Variants in ACSF3 observed in about 807,000 individuals in gnomAD.
The protein encoded by ACSF3 is acyl-CoA synthetase family member 3.
In ACSF3, 78 loss-of-function variants were observed where a neutral mutation model predicts 53.2. The observed-to-expected ratio is 1.47, with a 90% CI of 1.22 to 1.77. The LOEUF is 1.77. ACSF3 is among the 40% of genes most tolerant of loss of function. The pLI is 0.00. For synonymous variants in ACSF3, 414 were observed against 333.1 expected, an observed-to-expected ratio of 1.24 and a Z score of -2.65; for missense variants, 937 against 771.1, an observed-to-expected ratio of 1.22 and a Z score of -2.55.
intron 7 of ACSF3, among the ~76,000 whole-genome samples, chr16:89,123,746 A>G (rs1235472767): frequency 1.3e-5 from 2 of 152,144 alleles, no homozygotes; most frequent in East Asian, 3.9e-4. Flanking sequence ...CCCTGTGGGG[A>G]TGGGAGGACA....
chr16:89,111,552 C>T lies in ACSF3; in HGVS notation c.823-540C>T, dbSNP rs530748199. ...GGGCCATGGAAGGAATGCGGCTCAC[C>T]AGCTCTTCCTGAAGCTTTATGGGCG... is the stretch of plus-strand genomic sequence containing the variant. On this transcript the variant is annotated intron_variant, in intron 4 of 10. Coordinates refer to ENST00000614302, the MANE Select transcript of ACSF3 (RefSeq NM_001243279.3). Among the ~76,000 whole-genome samples the T allele has an allele frequency of 2.0e-4, 30 of 152,372 alleles. No individual in the cohort carries two copies. In the East Asian group the frequency reaches 4.2e-3, roughly 22 times the overall value.
At position 89,120,833 on chromosome 16, in the gene ACSF3, G is replaced by A; in HGVS notation, c.1159G>A (p.Val387Met). ...SVGTPLPGVQ[V>M]RIVSENPQRE... ...GGGGACCCCACTGCCTGGAGTACAG[G>A]TGCGCATTGTCTCAGAAAACCCACA... The change falls in exon 7 of 11, where the codon GTG becomes ATG. Residue 387 changes from valine to methionine, a missense_variant. Val to Met is a conservative substitution (Grantham distance 21, BLOSUM62 1). Coordinates refer to ENST00000614302, the MANE Select transcript of ACSF3 (RefSeq NM_001243279.3). The A allele has an allele frequency of 6.2e-7, 1 of 1,614,076 alleles. No homozygotes were observed. Among genetic ancestry groups the A allele is most frequent in the South Asian group, 1.1e-5 (1 of 91,088 alleles).
chr16:89,144,768 C>G (rs2151560611), intron 8 of ACSF3, among the ~76,000 whole-genome samples: 1 of 152,320 alleles, frequency 6.6e-6, no homozygotes, highest in South Asian at 2.1e-4. Flanking sequence ...ACCCTGGCAC[C>G]CATCCTGAGG....
rs1166537408 is a variant in ACSF3 at position 89,101,290 on chromosome 16, T to A, written c.609T>A (p.Ser203Arg). ...AGGGCGCCATGATCATCTACACCAG[T>A]GGGACCACGGGGAGGCCCAAGGGCG... ...RNKGAMIIYT[S>R]GTTGRPKGVL... Residue 203 changes from serine (S) to arginine (R), a missense_variant, in exon 3 of 11, where the codon AGT becomes AGA. By Grantham distance (110) the Ser-to-Arg change is moderately radical (BLOSUM62 -1). Coordinates refer to ENST00000614302, the MANE Select transcript of ACSF3 (RefSeq NM_001243279.3). 1 of 1,603,048 alleles carries A rather than the reference T, an allele frequency of 6.2e-7. No individual in the cohort carries two copies. The highest frequency in any genetic ancestry group is 1.7e-5 in the Admixed American group (1 of 58,240).
At chr16:89,144,779 G>A (rs1912571672) in intron 8 of ACSF3, among the ~76,000 whole-genome samples, 1 of 152,220 alleles carries the variant, frequency 6.6e-6, no homozygotes, top group African/African-American at 2.4e-5. Flanking sequence ...CATCCTGAGG[G>A]AGGGTAAAGC....
rs916461556 is a variant in ACSF3, at chr16:89,114,488, G to C, written c.1126+1G>C. Reference sequence around the variant, plus strand: ...CTGACCACTGCCGTGCGCCTGCCAGGTACGAGCACTTCCCACAGCTGCGTT... The same window carrying C: ...CTGACCACTGCCGTGCGCCTGCCAGCTACGAGCACTTCCCACAGCTGCGTT... On this transcript the variant is annotated splice_donor_variant, in intron 6 of 10. Transcript: ENST00000614302. LOFTEE classifies it high-confidence loss of function. 6.2e-7 allele frequency: 1 copy of C among 1,611,192 alleles called. No individual in the cohort carries two copies. Among genetic ancestry groups the C allele is most frequent in the Non-Finnish European group, 8.5e-7 (1 of 1,179,990 alleles).
chr16:89,140,895 A>G (rs1911625042), intron 8 of ACSF3, among the ~76,000 whole-genome samples: 1 of 152,236 alleles, frequency 6.6e-6, no homozygotes, highest in South Asian at 2.1e-4. Flanking sequence ...ATAGGAGTTT[A>G]TTGATTGCTA....
At chr16:89,126,977 A>G (rs1466817765) in intron 7 of ACSF3, among the ~76,000 whole-genome samples, 1 of 139,734 alleles carries the variant, frequency 7.2e-6, no homozygotes, top group Non-Finnish European at 1.6e-5. Flanking sequence ...AATATTTTCA[A>G]AAAGCTTTTC....
At position 89,142,153 on chromosome 16, in the gene ACSF3, G is replaced by T. The variant is rs181035237; in HGVS notation, c.1367-3114G>T. 2.0e-3 allele frequency among the ~76,000 whole-genome samples: 309 copies of T among 152,260 alleles called. 1 individual carries two copies. The highest frequency in any genetic ancestry group is 6.9e-3 in the African/African-American group (288 of 41,548). On this transcript the variant is annotated intron_variant, in intron 8 of 10. Coordinates refer to ENST00000614302, the MANE Select transcript of ACSF3 (RefSeq NM_001243279.3). Reference sequence around the variant, plus strand: ...ACAGCAGGCAGCTGGGGCCTGTGACGACCCTGGGGTTGGAGGCCAGGCAGG... The same window carrying T: ...ACAGCAGGCAGCTGGGGCCTGTGACTACCCTGGGGTTGGAGGCCAGGCAGG...
chr16:89,099,041 C>T (rs1178394626), intron 2 of ACSF3, among the ~76,000 whole-genome samples: 1 of 152,246 alleles, frequency 6.6e-6, no homozygotes, highest in Non-Finnish European at 1.5e-5. Flanking sequence ...GTGCTTCCCC[C>T]AGGAAGGGAG....
intron 8 of ACSF3, chr16:89,141,064 C>T: frequency 7.9e-7 from 1 of 1,268,116 alleles, no homozygotes; most frequent in Non-Finnish European, 1.0e-6. Context: ...TTGCATTTCA[C>T]AGTGATCGCA....
rs1555570978 is a variant in ACSF3, at chr16:89,125,698, A to AG, written c.1239+4785_1239+4786insG. 9.7e-3 allele frequency among the ~76,000 whole-genome samples: 1,434 copies of AG among 147,966 alleles called. 13 individuals carry two copies. Among genetic ancestry groups the AG allele is most frequent in the African/African-American group, 0.016 (640 of 40,270 alleles). ...AGAGTGAGACTGCCTCAAAAAAAAA[A>AG]AGAGAGAGAGAGAGAGAGAGATGTT... On this transcript the variant is annotated intron_variant, in intron 7 of 10. Transcript: ENST00000614302.
intron 4 of ACSF3, among the ~76,000 whole-genome samples, chr16:89,104,192 G>A (rs990237519): frequency 1.3e-5 from 2 of 152,224 alleles, no homozygotes; most frequent in Non-Finnish European, 2.9e-5. Context: ...ACGTTTACCA[G>A]CCTCTGCCCG....
chr16:89,142,580 C>G (rs1228196391), intron 8 of ACSF3, among the ~76,000 whole-genome samples: 3 of 151,072 alleles, frequency 2.0e-5, no homozygotes, highest in Non-Finnish European at 4.4e-5. Flanking sequence ...CACACCCACA[C>G]CTGCAGAGAC....
At chr16:89,120,225 C>T (rs1269283931) in intron 6 of ACSF3, among the ~76,000 whole-genome samples, 1 of 152,214 alleles carries the variant, frequency 6.6e-6, no homozygotes. Context: ...GATGGATACA[C>T]TGAGCAAATC....
At chr16:89,121,986 G>A (rs943296507) in intron 7 of ACSF3, among the ~76,000 whole-genome samples, 5 of 152,106 alleles carry the variant, frequency 3.3e-5, no homozygotes, top group African/African-American at 1.2e-4. Context: ...GCCTGGCCTG[G>A]GCCCCCCGCA....
chr16:89,102,101 G>T (rs775865066), intron 3 of ACSF3, among the ~76,000 whole-genome samples: 1 of 152,256 alleles, frequency 6.6e-6, no homozygotes, highest in Admixed American at 6.5e-5. Context: ...TCAGTGGGCC[G>T]TGCCTCACGC....
intron 4 of ACSF3, among the ~76,000 whole-genome samples, chr16:89,106,040 C>T (rs1156711410): frequency 1.3e-5 from 2 of 152,206 alleles, no homozygotes; most frequent in South Asian, 2.1e-4. Flanking sequence ...GGCGTCTCTG[C>T]CCAGGGGCAT....
chr16:89,155,709 T>C lies in ACSF3; in HGVS notation c.*1502T>C. ...CTTGCTGGTAGCTAAGGAAATGCCTTCTGTTGGGAAAAGGTCAAATTTAAC... is the reference window on the plus strand; with the variant it reads ...CTTGCTGGTAGCTAAGGAAATGCCTCCTGTTGGGAAAAGGTCAAATTTAAC... On this transcript the variant is annotated 3_prime_UTR_variant, in exon 11 of 11. Coordinates refer to ENST00000614302, the MANE Select transcript of ACSF3 (RefSeq NM_001243279.3). 1 of 454,154 alleles carries C rather than the reference T, an allele frequency of 2.2e-6. No individual in the cohort carries two copies. Among genetic ancestry groups the C allele is most frequent in the Non-Finnish European group, 4.4e-6 (1 of 226,792 alleles). 28.1% of individuals were successfully genotyped at this position (454,154 alleles called of 1,614,324 possible). A position where few individuals can be genotyped will look rare whatever the true frequency, so the allele number is the denominator to read the frequency against.
Sources: gnomAD v4.1 joint callset for allele counts (sites outside exome capture counted in the v4.1 genomes callset) on GRCh38, gnomAD v4.1.1 for gene constraint, MANE v1.5 for transcripts, NCBI Gene and HGNC (gene_info 2026-07-23, HGNC 2026-07-21) for gene names.